MYO6: variants seen among roughly 807,000 people sequenced by gnomAD.
MYO6 encodes myosin VI.
A neutral mutation model predicts 178.7 loss-of-function variants in MYO6; 74 were observed. The ratio of observed to expected loss-of-function variants is 0.41; its 90% CI spans 0.34 to 0.50. The LOEUF (loss-of-function observed/expected upper bound fraction) is 0.50. Among genes scored for constraint, MYO6 ranks in the 20% least tolerant of loss-of-function variants. The pLI is 0.09. For missense variants in MYO6, 1,330 were observed against 1,547.4 expected, an observed-to-expected ratio of 0.86 and a Z score of 2.36; for synonymous variants, 477 against 504.6, an observed-to-expected ratio of 0.95 and a Z score of 0.73.
chr6:75,915,264 A>G lies in MYO6; in HGVS notation c.*252A>G, dbSNP rs1451073834. 2 of 517,512 alleles carry G rather than the reference A, an allele frequency of 3.9e-6. No homozygotes were observed. The highest frequency in any genetic ancestry group is 7.0e-6 in the Non-Finnish European group (2 of 285,928). 32.1% of individuals were successfully genotyped at this position (517,512 alleles called of 1,614,324 possible). A position where few individuals can be genotyped will look rare whatever the true frequency, so the allele number is the denominator to read the frequency against. ...TATTCTCTAACTATTACACATGGGC[A>G]TATTCTGATGTTTCTCATCCTTTGC... On this transcript the variant is annotated 3_prime_UTR_variant, in exon 35 of 35. Transcript: ENST00000369977.
At chr6:75,862,770 T>C (rs1243429906) in intron 16 of MYO6, 47 bp downstream of exon 16, 1 of 1,601,876 alleles carries the variant, frequency 6.2e-7, no homozygotes, top group Non-Finnish European at 8.6e-7. Flanking sequence ...GACGAGACAT[T>C]ATTAAAAAGG....
intron 4 of MYO6, among the ~76,000 whole-genome samples, chr6:75,829,778 A>C (rs1220405189): frequency 2.6e-5 from 4 of 152,188 alleles, no homozygotes; most frequent in Admixed American, 2.0e-4. Context: ...CCAAAATTAA[A>C]AGCAAGCTTA....
chr6:75,903,342 T>G (rs1166464375), intron 30 of MYO6, among the ~76,000 whole-genome samples: 2 of 152,066 alleles, frequency 1.3e-5, no homozygotes, highest in African/African-American at 2.4e-5. Flanking sequence ...AGTCTCCCAT[T>G]ATTAATGTGT....
rs956245952 is a variant in MYO6 at position 75,883,239 on chromosome 6, G to GA, written c.2416+1431dup. Among the ~76,000 whole-genome samples the GA allele has an allele frequency of 2.4e-3, 333 of 139,776 alleles. 2 individuals carry two copies. Among genetic ancestry groups the GA allele is most frequent in the South Asian group, 3.2e-3 (14 of 4,440 alleles). The allele number at this position is 139,776 out of a possible 152,430, so 91.7% of individuals were successfully genotyped here. On this transcript the variant is annotated intron_variant, in intron 23 of 34. Transcript: ENST00000369977. Reference sequence around the variant, plus strand: ...TTAAGATAGTGAAAATAAAAACAAAGAAAAAAAAAACACCCAAAACTAAAA... The same window carrying GA: ...TTAAGATAGTGAAAATAAAAACAAAGAAAAAAAAAAACACCCAAAACTAAAA...
At chr6:75,806,555 G>A (rs568482411) in intron 1 of MYO6, among the ~76,000 whole-genome samples, 7 of 152,328 alleles carry the variant, frequency 4.6e-5, no homozygotes, top group African/African-American at 1.2e-4. Context: ...CAAAATCTCT[G>A]CAGCACTGTG....
chr6:75,860,520 T>C (rs1418163015), intron 14 of MYO6, among the ~76,000 whole-genome samples: 1 of 152,238 alleles, frequency 6.6e-6, no homozygotes, highest in Non-Finnish European at 1.5e-5. Flanking sequence ...TTAAAATAAA[T>C]GTGAATTTCA....
intron 10 of MYO6, among the ~76,000 whole-genome samples, chr6:75,847,099 T>C (rs1774797798): frequency 6.6e-6 from 1 of 152,144 alleles, no homozygotes; most frequent in South Asian, 2.1e-4. Context: ...TCATTAACTT[T>C]TGATTAGAAA....
rs1409808281 is a variant in MYO6, at chr6:75,879,893, G to T, written c.2151G>T (p.Met717Ile). Reference sequence around the variant, plus strand: ...CTTCATTTCATGAACTCTACAACATGTACAAAAAGTATATGCCAGATAAAC... The same window carrying T: ...CTTCATTTCATGAACTCTACAACATTTACAAAAAGTATATGCCAGATAAAC... ...SRASFHELYNMYKKYMPDKLA... is the reference protein window; with the variant it reads ...SRASFHELYNIYKKYMPDKLA... The change falls in exon 21 of 35, where the codon ATG becomes ATT. Residue 717 changes from methionine (M) to isoleucine (I), a missense_variant. Met to Ile is a conservative substitution (Grantham distance 10). Around this residue, in one of 3 missense-constraint regions of MYO6, gnomAD observed 613 missense variants for 816.8 expected, o/e 0.75. Coordinates refer to ENST00000369977, the MANE Select transcript of MYO6 (RefSeq NM_004999.4). The T allele has an allele frequency of 1.9e-6, 3 of 1,613,904 alleles. No individual in the cohort carries two copies. In the Admixed American group the frequency reaches 5.0e-5, roughly 27 times the overall value.
chr6:75,854,372 G>C (rs1350717212), intron 11 of MYO6, among the ~76,000 whole-genome samples: 1 of 141,562 alleles, frequency 7.1e-6, no homozygotes, highest in Non-Finnish European at 1.5e-5. Context: ...ATACCCCTAA[G>C]GGTAACAGTA....
intron 30 of MYO6, among the ~76,000 whole-genome samples, chr6:75,906,167 AT>A (rs139334977): frequency 0.23 from 34,705 of 152,090 alleles, 5,158 homozygotes; most frequent in Middle Eastern, 0.39. Context: ...TTGTTCTTTA[AT>A]AGTTAGTTAG....
intron 24 of MYO6, among the ~76,000 whole-genome samples, chr6:75,886,404 TAATGTC>T (rs1778435838): frequency 6.6e-6 from 1 of 152,064 alleles, no homozygotes; most frequent in Non-Finnish European, 1.5e-5. Context: ...AGTTTCTTGA[TAATGTC>T]AAGGTGACAT....
chr6:75,749,862 C>G (rs1028254368), intron 1 of MYO6, among the ~76,000 whole-genome samples: 1 of 152,108 alleles, frequency 6.6e-6, no homozygotes, highest in African/African-American at 2.4e-5. Flanking sequence ...GAGACCAGAT[C>G]GAGACTTTCT....
chr6:75,873,509 C>T (rs886817146), intron 20 of MYO6, among the ~76,000 whole-genome samples: 1 of 152,064 alleles, frequency 6.6e-6, no homozygotes, highest in African/African-American at 2.4e-5. Flanking sequence ...GTGGCTGAGG[C>T]AAGAGGACTG....
chr6:75,760,185 T>C (rs1188488603), intron 1 of MYO6, among the ~76,000 whole-genome samples: 1 of 152,234 alleles, frequency 6.6e-6, no homozygotes, highest in African/African-American at 2.4e-5. Context: ...ATTAAATTTC[T>C]GTATAAATCT....
chr6:75,826,500 G>A (rs1332107223), intron 3 of MYO6, among the ~76,000 whole-genome samples: 1 of 152,138 alleles, frequency 6.6e-6, no homozygotes, highest in African/African-American at 2.4e-5. Flanking sequence ...CTTAGAGGAA[G>A]CAGTGACAAC....
rs910989262 is a variant in MYO6, at chr6:75,915,310, A to G, written c.*298A>G. 10 of 420,248 alleles carry G rather than the reference A, an allele frequency of 2.4e-5. No homozygotes were observed. Among genetic ancestry groups the G allele is most frequent in the Non-Finnish European group, 3.5e-5 (8 of 227,000 alleles). The allele number at this position is 420,248 out of a possible 1,614,324, so 26.0% of individuals were successfully genotyped here. ...TTTGCCAGAAGACTACCTTACATCC[A>G]TCGTAATTGTTCTCTAGGAAAAGAG... is the stretch of plus-strand genomic sequence containing the variant. On this transcript the variant is annotated 3_prime_UTR_variant, in exon 35 of 35. Coordinates refer to ENST00000369977, the MANE Select transcript of MYO6 (RefSeq NM_004999.4).
chr6:75,903,212 G>A (rs1340428962), intron 30 of MYO6, among the ~76,000 whole-genome samples: 5 of 151,748 alleles, frequency 3.3e-5, no homozygotes, highest in African/African-American at 9.6e-5. Context: ...GTTGATTTGG[G>A]GTGGAGAGTT....
At chr6:75,792,963 T>TA (rs1562165986) in intron 1 of MYO6, among the ~76,000 whole-genome samples, 2 of 151,920 alleles carry the variant, frequency 1.3e-5, no homozygotes, top group East Asian at 1.9e-4. Flanking sequence ...TTTTTTTTTT[T>TA]AATTTTTTTG....
Position 75,851,293 on chromosome 6 carries a change from T to C in MYO6, c.1078+2762T>C, listed in dbSNP as rs58659268. 3.1e-3 allele frequency among the ~76,000 whole-genome samples: 467 copies of C among 152,258 alleles called. 2 individuals are homozygous for C. Among genetic ancestry groups the C allele is most frequent in the African/African-American group, 0.01 (426 of 41,558 alleles). On this transcript the variant is annotated intron_variant, in intron 11 of 34. Transcript: ENST00000369977. The stretch of plus-strand genomic sequence containing the variant: ...TTCTCTAACTTCCTTCTATTGAGGG[T>C]AAAGTGAACAGAAATCAGGGAAGAT...
Sources: gnomAD v4.1 joint callset for allele counts (sites outside exome capture counted in the v4.1 genomes callset) on GRCh38, gnomAD v4.1.1 for gene constraint, gnomAD v4.1.1 regional missense constraint, MANE v1.5 for transcripts, NCBI Gene and HGNC (gene_info 2026-07-23, HGNC 2026-07-21) for gene names.